ZNF280D: variants seen among roughly 807,000 people sequenced by gnomAD.
ZNF280D encodes zinc finger protein 280D, also known as suppressor of hairy wing homolog 4.
A neutral mutation model predicts 94.7 loss-of-function variants in ZNF280D; 39 were observed. The ratio of observed to expected loss-of-function variants is 0.41; its 90% confidence interval spans 0.32 to 0.54. The LOEUF (loss-of-function observed/expected upper bound fraction) is 0.54. Ranked by LOEUF, ZNF280D falls within the 20% of genes least tolerant of loss-of-function variation. The pLI is 0.22. For synonymous variants in ZNF280D, 398 were observed against 377.6 expected, an observed-to-expected ratio of 1.05 and a Z score of -0.63; for missense variants, 1,090 against 1,149.3, an observed-to-expected ratio of 0.95 and a Z score of 0.75.
At chr15:56,672,657 G>T (rs1452358103) in intron 13 of ZNF280D, among the ~76,000 whole-genome samples, 2 of 151,598 alleles carry the variant, frequency 1.3e-5, no homozygotes. Flanking sequence ...GGTTTTTTTT[G>T]TGTGTGTTTG....
At chr15:56,686,655 G>A (rs17819592) in intron 9 of ZNF280D, among the ~76,000 whole-genome samples, 5,554 of 152,060 alleles carry the variant, frequency 0.037, 350 homozygotes, top group Admixed American at 0.16. Context: ...GATAAATATC[G>A]AATTCCATAC....
intron 6 of ZNF280D, chr15:56,700,196 T>C (rs1596555117): frequency 1.0e-6 from 1 of 975,494 alleles, no homozygotes; most frequent in Non-Finnish European, 1.2e-6. Flanking sequence ...ATACACAACA[T>C]ATATGTATGT....
intron 3 of ZNF280D, among the ~76,000 whole-genome samples, chr15:56,706,799 A>G (rs1224941770): frequency 3.9e-5 from 6 of 152,118 alleles, no homozygotes; most frequent in Admixed American, 2.0e-4. Context: ...TAGCTTTATA[A>G]TTTTTTTAGA....
At chr15:56,694,530 A>T (rs191202048) in intron 6 of ZNF280D, among the ~76,000 whole-genome samples, 69 of 152,310 alleles carry the variant, frequency 4.5e-4, no homozygotes, top group Non-Finnish European at 7.5e-4. Flanking sequence ...GAGAATTCAG[A>T]AGTCAAATAC....
intron 13 of ZNF280D, among the ~76,000 whole-genome samples, chr15:56,675,480 A>G (rs1258471106): frequency 6.6e-6 from 1 of 151,896 alleles, no homozygotes; most frequent in Non-Finnish European, 1.5e-5. Context: ...ACAGTGATCT[A>G]TTCCAAGAAT....
intron 6 of ZNF280D, among the ~76,000 whole-genome samples, chr15:56,695,184 T>C (rs1471729541): frequency 6.6e-6 from 1 of 152,094 alleles, no homozygotes; most frequent in Non-Finnish European, 1.5e-5. Flanking sequence ...CTGACTCTCC[T>C]GTCTCAGCCT....
At position 56,669,926 on chromosome 15, in the gene ZNF280D, TATATATATA is replaced by T. The variant is rs2054648477; in HGVS notation, c.1411-978_1411-970del. 1.6e-3 allele frequency among the ~76,000 whole-genome samples: 4 copies of T among 2,442 alleles called. 2 individuals are homozygous for T. The highest frequency in any genetic ancestry group is 0.091 in the East Asian group (2 of 22). The allele number at this position is 2,442 out of a possible 152,430, so 1.6% of individuals were successfully genotyped here. A position where few individuals can be genotyped will look rare whatever the true frequency, so the allele number is the denominator to read the frequency against. ...TAATATATATATATTATATATATAT[TATATATATA>T]TTATATATATATATTATATATATAT... On this transcript the variant is annotated intron_variant, in intron 13 of 21. Coordinates refer to ENST00000267807, the MANE Select transcript of ZNF280D (RefSeq NM_017661.4).
intron 1 of ZNF280D, among the ~76,000 whole-genome samples, chr15:56,710,029 A>T (rs897886733): frequency 9.2e-5 from 14 of 152,352 alleles, no homozygotes; most frequent in Admixed American, 8.5e-4. Flanking sequence ...ATAAATACTA[A>T]ATCTGCTGCC....
chr15:56,704,651 G>T (rs1446129873), intron 3 of ZNF280D, among the ~76,000 whole-genome samples: 2 of 152,154 alleles, frequency 1.3e-5, no homozygotes, highest in African/African-American at 4.8e-5. Context: ...TAGGCAACAG[G>T]TGGGAGATAA....
chr15:56,711,539 C>G (rs1377613308), intron 1 of ZNF280D, among the ~76,000 whole-genome samples: 1 of 152,034 alleles, frequency 6.6e-6, no homozygotes, highest in Admixed American at 6.6e-5. Context: ...GTGGAGCATG[C>G]CTGTAATCCA....
chr15:56,692,473 T>C (rs1223965373), intron 7 of ZNF280D, among the ~76,000 whole-genome samples: 1 of 152,042 alleles, frequency 6.6e-6, no homozygotes, highest in Non-Finnish European at 1.5e-5. Context: ...TTAGATAAAA[T>C]TATTTTATAG....
intron 21 of ZNF280D, among the ~76,000 whole-genome samples, chr15:56,634,438 C>A (rs995632436): frequency 6.6e-6 from 1 of 152,000 alleles, no homozygotes; most frequent in African/African-American, 2.4e-5. Flanking sequence ...AACATTCCCC[C>A]AAGAACTTAC....
intron 16 of ZNF280D, among the ~76,000 whole-genome samples, chr15:56,660,054 T>C (rs1238254786): frequency 6.6e-6 from 1 of 152,072 alleles, no homozygotes. Context: ...CTAGGAGTAA[T>C]TACTATTAGA....
chr15:56,668,880 T>A lies in ZNF280D; in HGVS notation c.1488A>T (p.Gln496His), dbSNP rs1276905538. The change falls in exon 14 of 22, where the codon CAA becomes CAT. Residue 496 changes from glutamine (Q) to histidine (H), a missense_variant. Physicochemically the swap from Gln to His is conservative, Grantham distance 24 (BLOSUM62 0). Transcript: ENST00000267807. The part of the protein sequence containing the change: ...TCKEKMDHKT[Q>H]HHRTFIKPKQ... Reference sequence around the variant, plus strand: ...TAGGTTTTATAAATGTTCGATGGTGTTGAGTCTTATGATCCATTTTCTCCT... The same window carrying A: ...TAGGTTTTATAAATGTTCGATGGTGATGAGTCTTATGATCCATTTTCTCCT... 1.2e-6 allele frequency: 2 copies of A among 1,612,374 alleles called. No individual in the cohort carries two copies. Among genetic ancestry groups the A allele is most frequent in the Non-Finnish European group, 8.5e-7 (1 of 1,179,094 alleles).
At chr15:56,709,659 C>A (rs1407992517) in intron 1 of ZNF280D, among the ~76,000 whole-genome samples, 5 of 152,152 alleles carry the variant, frequency 3.3e-5, no homozygotes, top group Non-Finnish European at 5.9e-5. Flanking sequence ...CACATATACA[C>A]CATGGAATAC....
chr15:56,692,284 A>G (rs2056466180), intron 7 of ZNF280D, among the ~76,000 whole-genome samples: 1 of 152,102 alleles, frequency 6.6e-6, no homozygotes, highest in South Asian at 2.1e-4. Flanking sequence ...TAAGTTTATA[A>G]TAAAAGTATT....
intron 6 of ZNF280D, 108 bp downstream of exon 6, chr15:56,700,825 C>T (rs749521224): frequency 6.3e-7 from 1 of 1,591,826 alleles, no homozygotes; most frequent in South Asian, 1.1e-5. Context: ...TATGCTTCTA[C>T]TGGATGACTA....
intron 9 of ZNF280D, among the ~76,000 whole-genome samples, chr15:56,683,140 T>A (rs1232634615): frequency 1.3e-5 from 2 of 152,122 alleles, no homozygotes; most frequent in Admixed American, 1.3e-4. Context: ...TAGGATCAGA[T>A]TTTTTAAATA....
Position 56,641,506 on chromosome 15 carries a change from T to G in ZNF280D, c.2259+1446A>C, listed in dbSNP as rs376313575. ...ACTGCATTTATCTTGATGCCCATAA[T>G]GTAACTATATGTGATTTTAATGTCG... On this transcript the variant is annotated intron_variant, in intron 20 of 21. Transcript: ENST00000267807. Among the ~76,000 whole-genome samples the G allele has an allele frequency of 3.2e-4, 48 of 152,110 alleles. No homozygotes were observed. The South Asian group carries it at 8.1e-3, about 26-fold the overall frequency.
Sources: allele counts gnomAD v4.1 joint callset (sites outside exome capture counted in the v4.1 genomes callset), GRCh38; gene constraint gnomAD v4.1.1; transcripts MANE v1.5; gene names NCBI Gene and HGNC (gene_info 2026-07-23, HGNC 2026-07-21).